The following BICD1 variants were observed in gnomAD, a reference collection of about 807,000 sequenced individuals.
BICD1 encodes the protein protein bicaudal D homolog 1.
Under a neutral mutation model 92.5 loss-of-function variants are expected in BICD1, and 35 were observed. The ratio of observed to expected loss-of-function variants is 0.38; its 90% CI spans 0.29 to 0.50. The LOEUF is 0.50. Ranked by LOEUF, BICD1 falls within the 20% of genes least tolerant of loss-of-function variation. The probability of loss-of-function intolerance (pLI) is 0.93; values close to 1 mark genes in which losing one functional copy is unlikely to be tolerated. For synonymous variants in BICD1, 429 were observed against 465.1 expected (o/e 0.92, Z 1.00); for missense variants, 950 against 1,189.8 (o/e 0.80, Z 2.97).
chr12:32,181,183 G>C (rs1944261962), intron 1 of BICD1, among the ~76,000 whole-genome samples: 1 of 151,772 alleles, frequency 6.6e-6, no homozygotes, highest in Non-Finnish European at 1.5e-5. Flanking sequence ...AGTTTGGGAG[G>C]CCGAGGGGGG....
chr12:32,112,502 C>T (rs1941736616), intron 1 of BICD1, among the ~76,000 whole-genome samples: 1 of 152,134 alleles, frequency 6.6e-6, no homozygotes, highest in Non-Finnish European at 1.5e-5. Flanking sequence ...TAGTTGTACT[C>T]ATGGATATTG....
intron 1 of BICD1, among the ~76,000 whole-genome samples, chr12:32,177,742 T>TATATAAATATATTTATATATTTATAG (rs1565567253): frequency 1.8e-4 from 1 of 5,592 alleles, no homozygotes; most frequent in African/African-American, 6.4e-4. Flanking sequence ...TATATTTATA[T>TATATAAATATATTTATATATTTATAG]AAAATATATA....
At position 32,354,664 on chromosome 12, in the gene BICD1, T is replaced by G. The variant is rs189867448; in HGVS notation, c.2765-13006T>G. Among the ~76,000 whole-genome samples, 26 of 152,308 alleles carry G rather than the reference T, an allele frequency of 1.7e-4. No individual in the cohort carries two copies. In the East Asian group the frequency reaches 3.3e-3, roughly 19 times the overall value. ...GTTTTAACAGGGGATGTAATACGTT[T>G]GGTGAAAAGGGATGAGATAGCCAAC... is the stretch of plus-strand genomic sequence containing the variant. On this transcript the variant is annotated intron_variant, in intron 8 of 9. Coordinates refer to ENST00000652176, the MANE Select transcript of BICD1 (RefSeq NM_001714.4).
Position 32,309,584 on chromosome 12 carries a change from T to G in BICD1, c.1005+3462T>G, listed in dbSNP as rs548301181. Among the ~76,000 whole-genome samples, 3 of 152,242 alleles carry G rather than the reference T, an allele frequency of 2.0e-5. No individual in the cohort carries two copies. In the South Asian group the frequency reaches 6.2e-4, roughly 32 times the overall value. ...GGTGCAGTTTGGCTGCCCTGGGAGT[T>G]TAGGACTGTCTGAATACTGCCAAGT... On this transcript the variant is annotated intron_variant, in intron 4 of 9. Coordinates refer to ENST00000652176, the MANE Select transcript of BICD1 (RefSeq NM_001714.4).
chr12:32,232,688 G>C (rs1014045335), intron 2 of BICD1, among the ~76,000 whole-genome samples: 5 of 152,178 alleles, frequency 3.3e-5, no homozygotes, highest in African/African-American at 7.2e-5. Flanking sequence ...AATGGTAATG[G>C]CTAGGTTTTC....
At chr12:32,253,491 T>C (rs1565620608) in intron 2 of BICD1, among the ~76,000 whole-genome samples, 2 of 131,902 alleles carry the variant, frequency 1.5e-5, no homozygotes, top group Non-Finnish European at 3.5e-5. Flanking sequence ...CCGTGGATTC[T>C]TTTTTTTTTT....
At chr12:32,120,516 T>C (rs564620192) in intron 1 of BICD1, among the ~76,000 whole-genome samples, 2 of 152,344 alleles carry the variant, frequency 1.3e-5, no homozygotes, top group African/African-American at 4.8e-5. Flanking sequence ...ATACCACTAT[T>C]GAAGAGCTCT....
At chr12:32,207,020 A>G (rs1271888743) in intron 1 of BICD1, among the ~76,000 whole-genome samples, 2 of 152,236 alleles carry the variant, frequency 1.3e-5, no homozygotes, top group Non-Finnish European at 2.9e-5. Context: ...ATGGTAAACT[A>G]TAAAGAAAAT....
intron 1 of BICD1, among the ~76,000 whole-genome samples, chr12:32,116,384 T>C (rs193045191): frequency 1.4e-3 from 209 of 152,146 alleles, no homozygotes; most frequent in African/African-American, 4.8e-3. Context: ...CTCTGGTCAC[T>C]CAGTTCTAGC....
intron 2 of BICD1, among the ~76,000 whole-genome samples, chr12:32,232,736 TC>T (rs1481907249): frequency 1.5e-4 from 23 of 152,288 alleles, no homozygotes; most frequent in Admixed American, 1.2e-3. Flanking sequence ...AACGTTTAAG[TC>T]TTTAATCCAT....
chr12:32,182,278 C>CTTTTTTTT lies in BICD1; in HGVS notation c.214-33954_214-33947dup, dbSNP rs759328721. Reference sequence around the variant, plus strand: ...TTCTTTTTTCTTTCTTTCTTTCTTTCTTTTTTTTTTTTTTTTTTTTTTGAG... The same window carrying CTTTTTTTT: ...TTCTTTTTTCTTTCTTTCTTTCTTTCTTTTTTTTTTTTTTTTTTTTTTTTTTTTTTGAG... On this transcript the variant is annotated intron_variant, in intron 1 of 9. Transcript: ENST00000652176. Among the ~76,000 whole-genome samples, 260 of 81,380 alleles carry CTTTTTTTT rather than the reference C, an allele frequency of 3.2e-3. 14 individuals carry two copies. Among genetic ancestry groups the CTTTTTTTT allele is most frequent in the Non-Finnish European group, 3.5e-3 (150 of 42,388 alleles). The allele number at this position is 81,380 out of a possible 152,430, so 53.4% of individuals were successfully genotyped here.
intron 8 of BICD1, among the ~76,000 whole-genome samples, chr12:32,343,756 A>G (rs752711350): frequency 1.3e-5 from 2 of 152,120 alleles, no homozygotes; most frequent in Non-Finnish European, 2.9e-5. Context: ...TGTTTCTGTG[A>G]TATTTTGCTT....
Position 32,313,661 on chromosome 12 carries a change from T to C in BICD1, c.1005+7539T>C, listed in dbSNP as rs1380169704. Among the ~76,000 whole-genome samples the C allele has an allele frequency of 1.3e-5, 2 of 152,216 alleles. No homozygotes were observed. The highest frequency in any genetic ancestry group is 2.9e-5 in the Non-Finnish European group (2 of 68,036). On this transcript the variant is annotated intron_variant, in intron 4 of 9. Transcript: ENST00000652176. The surrounding 1 kb of genome is among the most constrained non-coding windows in gnomAD (Gnocchi z 4.2). Reference sequence around the variant, plus strand: ...GTACAAAGCTGACAAATGGCTAAACTATTACAGATTTTATAGTTAGAGATT... The same window carrying C: ...GTACAAAGCTGACAAATGGCTAAACCATTACAGATTTTATAGTTAGAGATT...
intron 8 of BICD1, chr12:32,367,428 T>C (rs182644078): frequency 6.7e-5 from 27 of 404,608 alleles, no homozygotes; most frequent in African/African-American, 4.4e-4. Flanking sequence ...CCTAATGTAC[T>C]TGAGAAATCT....
At chr12:32,334,291 A>G (rs926541046) in intron 5 of BICD1, among the ~76,000 whole-genome samples, 4 of 152,206 alleles carry the variant, frequency 2.6e-5, no homozygotes, top group African/African-American at 9.6e-5. Flanking sequence ...TCTGGCTCGC[A>G]GCGGGCTTCT....
At chr12:32,198,330 C>CTATATATATATATATATATATATATA (rs749446989) in intron 1 of BICD1, among the ~76,000 whole-genome samples, 1 of 117,776 alleles carries the variant, frequency 8.5e-6, no homozygotes, top group Non-Finnish European at 1.7e-5. Context: ...ATGCATCTAT[C>CTATATATATATATATATATATATATA]TATATATATA....
chr12:32,346,657 T>TATATATAC lies in BICD1; in HGVS notation c.2764+7679_2764+7680insTATATACA, dbSNP rs765654340. ...ATACGTGTATATATATATATATATATACACACACACACGCACACACACACA... is the reference window on the plus strand; with the variant it reads ...ATACGTGTATATATATATATATATATATATATACACACACACACACGCACACACACACA... On this transcript the variant is annotated intron_variant, in intron 8 of 9. Transcript: ENST00000652176. Among the ~76,000 whole-genome samples the TATATATAC allele has an allele frequency of 2.1e-3, 31 of 14,788 alleles. 3 individuals are homozygous for TATATATAC. Among genetic ancestry groups the TATATATAC allele is most frequent in the South Asian group, 5.7e-3 (2 of 348 alleles). The allele number at this position is 14,788 out of a possible 152,430, so 9.7% of individuals were successfully genotyped here.
At chr12:32,153,338 C>A (rs1160639138) in intron 1 of BICD1, among the ~76,000 whole-genome samples, 1 of 152,114 alleles carries the variant, frequency 6.6e-6, no homozygotes, top group African/African-American at 2.4e-5. Flanking sequence ...TAAATTGATT[C>A]TGTGTCTTTG....
chr12:32,171,988 C>CACACACACATATAT (rs1555141634), intron 1 of BICD1, among the ~76,000 whole-genome samples: 395 of 132,530 alleles, frequency 3.0e-3, no homozygotes, highest in Middle Eastern at 0.015. Context: ...CACACACACA[C>CACACACACATATAT]ACTAAAACTG....
Sources: gnomAD v4.1 joint callset for allele counts (sites outside exome capture counted in the v4.1 genomes callset) on GRCh38, gnomAD v4.1.1 for gene constraint, Gnocchi (gnomAD v3.1) non-coding constraint, MANE v1.5 for transcripts, NCBI Gene and HGNC (gene_info 2026-07-23, HGNC 2026-07-21) for gene names.